The following WWOX variants were observed in gnomAD, a reference collection of about 807,000 sequenced individuals.
WWOX encodes the protein WW domain containing oxidoreductase, also known as WW domain-containing oxidoreductase.
In WWOX, 69 loss-of-function variants were observed where a neutral mutation model predicts 46.2. The observed-to-expected ratio is 1.49, with a 90% CI of 1.23 to 1.82. The LOEUF (loss-of-function observed/expected upper bound fraction) is 1.82, where lower values mean the gene tolerates loss of function less well. Ranked by LOEUF, WWOX falls within the 40% of genes most tolerant of loss-of-function variation. The probability of loss-of-function intolerance (pLI) is 0.00; values close to 1 mark genes in which losing one functional copy is unlikely to be tolerated. For synonymous variants in WWOX, 359 were observed against 202.6 expected (o/e 1.77, Z -6.56); for missense variants, 919 against 542.6 (o/e 1.69, Z -6.89).
intron 8 of WWOX, chr16:78,872,843 G>T (rs888569519): frequency 2.0e-5 from 3 of 152,280 alleles, no homozygotes; most frequent in African/African-American, 7.2e-5. Flanking sequence ...TCTTGCTCAG[G>T]CTGGAGTGTA....
chr16:78,102,471 C>G (rs1034412053), intron 1 of WWOX, among the ~76,000 whole-genome samples: 2 of 152,218 alleles, frequency 1.3e-5, no homozygotes, highest in African/African-American at 4.8e-5. Context: ...GAATTTCTGG[C>G]TCTGGAGAAT....
chr16:78,962,758 C>G (rs1217961538), intron 8 of WWOX, among the ~76,000 whole-genome samples: 1 of 152,168 alleles, frequency 6.6e-6, no homozygotes, highest in East Asian at 1.9e-4. Flanking sequence ...AGACAGAGAA[C>G]ATTTCTAACA....
chr16:79,170,057 G>A (rs1191187052), intron 8 of WWOX, among the ~76,000 whole-genome samples: 1 of 152,098 alleles, frequency 6.6e-6, no homozygotes, highest in African/African-American at 2.4e-5. Context: ...GCGCCAACCA[G>A]CTCAAACAAG....
intron 6 of WWOX, among the ~76,000 whole-genome samples, chr16:78,415,856 C>A (rs1050041723): frequency 6.6e-6 from 1 of 152,214 alleles, no homozygotes; most frequent in Admixed American, 6.5e-5. Flanking sequence ...GAGGGGATGT[C>A]CTCTGGCCCA....
At chr16:78,496,301 A>C (rs1379136374) in intron 8 of WWOX, 1 of 152,234 alleles carries the variant, frequency 6.6e-6, no homozygotes, top group Non-Finnish European at 1.5e-5. Context: ...ATATGTTTGC[A>C]GTCATCACTG....
intron 8 of WWOX, among the ~76,000 whole-genome samples, chr16:78,949,736 G>C (rs760175273): frequency 1.3e-5 from 2 of 152,174 alleles, no homozygotes; most frequent in Admixed American, 1.3e-4. Context: ...ACCTTGCGGG[G>C]CAAACACAAC....
At chr16:78,537,821 A>G (rs946479565) in intron 8 of WWOX, among the ~76,000 whole-genome samples, 2 of 152,036 alleles carry the variant, frequency 1.3e-5, no homozygotes, top group African/African-American at 4.8e-5. Context: ...GAGGGCCAGA[A>G]CGATCCACCC....
chr16:78,150,538 C>T (rs1175613162), intron 4 of WWOX, among the ~76,000 whole-genome samples: 2 of 152,144 alleles, frequency 1.3e-5, no homozygotes, highest in Admixed American at 6.5e-5. Flanking sequence ...ACCACCATGC[C>T]TGGCTAAGTT....
intron 8 of WWOX, among the ~76,000 whole-genome samples, chr16:79,005,897 A>G (rs112021502): frequency 2.6e-5 from 4 of 152,328 alleles, no homozygotes; most frequent in African/African-American, 9.6e-5. Flanking sequence ...GTGAAGTTGC[A>G]TGAGAACAGA....
intron 8 of WWOX, among the ~76,000 whole-genome samples, chr16:78,565,377 G>T (rs535639512): frequency 6.6e-6 from 1 of 152,174 alleles, no homozygotes; most frequent in East Asian, 1.9e-4. Flanking sequence ...GTTTCCTTGC[G>T]TTTTTCATCT....
intron 8 of WWOX, among the ~76,000 whole-genome samples, chr16:78,655,296 A>G (rs1256732470): frequency 6.6e-6 from 1 of 152,178 alleles, no homozygotes; most frequent in East Asian, 1.9e-4. Context: ...CTTAGAGACA[A>G]CAGCTTACAA....
intron 4 of WWOX, among the ~76,000 whole-genome samples, chr16:78,154,943 C>A (rs141103957): frequency 6.6e-6 from 1 of 152,032 alleles, no homozygotes; most frequent in Non-Finnish European, 1.5e-5. Flanking sequence ...AGTGGCCTGG[C>A]GGGTAATGCC....
intron 8 of WWOX, among the ~76,000 whole-genome samples, chr16:78,807,708 C>G (rs932654548): frequency 7.9e-5 from 12 of 152,216 alleles, no homozygotes; most frequent in Non-Finnish European, 1.6e-4. Context: ...GAAGAAACAA[C>G]GTACTGTTAC....
At chr16:78,333,858 C>T (rs1003292387) in intron 5 of WWOX, among the ~76,000 whole-genome samples, 2 of 152,104 alleles carry the variant, frequency 1.3e-5, no homozygotes, top group Non-Finnish European at 2.9e-5. Context: ...ATTTAAGGTA[C>T]TGTTAAAAAG....
intron 8 of WWOX, among the ~76,000 whole-genome samples, chr16:78,793,250 G>A (rs556443723): frequency 8.4e-4 from 127 of 152,028 alleles, no homozygotes; most frequent in Non-Finnish European, 1.6e-3. Context: ...TTGTAGAGAC[G>A]GTGTTTTGCC....
chr16:78,218,991 G>A (rs1293120328), intron 5 of WWOX, among the ~76,000 whole-genome samples: 1 of 152,176 alleles, frequency 6.6e-6, no homozygotes, highest in Non-Finnish European at 1.5e-5. Context: ...TCACTTTTAT[G>A]CAACTTGATG....
chr16:78,548,032 G>A (rs939232210), intron 8 of WWOX, among the ~76,000 whole-genome samples: 1 of 151,662 alleles, frequency 6.6e-6, no homozygotes, highest in South Asian at 2.1e-4. Context: ...GTGAATGCCT[G>A]TAATCTCAGG....
chr16:78,212,717 G>T (rs1250109659), intron 5 of WWOX, among the ~76,000 whole-genome samples: 1 of 152,190 alleles, frequency 6.6e-6, no homozygotes, highest in Non-Finnish European at 1.5e-5. Flanking sequence ...GGCCTGCCTG[G>T]TCTGCCCTTG....
chr16:78,348,274 G>A (rs1434913285), intron 5 of WWOX, among the ~76,000 whole-genome samples: 1 of 120,640 alleles, frequency 8.3e-6, no homozygotes, highest in African/African-American at 2.8e-5. Context: ...TAGAGAAGCT[G>A]GAATTTGAAA....
Sources: allele counts gnomAD v4.1 joint callset (sites outside exome capture counted in the v4.1 genomes callset), GRCh38; gene constraint gnomAD v4.1.1; transcripts MANE v1.5; gene names NCBI Gene and HGNC (gene_info 2026-07-23, HGNC 2026-07-21).